Variants in NINL observed in about 807,000 individuals in gnomAD.
NINL encodes ninein-like protein.
NINL carries 153 observed loss-of-function variants against 160.3 expected under a neutral mutation model. That is an observed-to-expected ratio of 0.95 (90% CI 0.84 to 1.09). The LOEUF (loss-of-function observed/expected upper bound fraction) is 1.09. Among genes scored for constraint, NINL ranks in the 50% least tolerant of loss-of-function variants. NINL has a pLI of 0.00. For missense variants in NINL, 1,829 were observed against 1,764.0 expected (o/e 1.04, Z -0.66); for synonymous variants, 800 against 734.8 (o/e 1.09, Z -1.43).
chr20:25,561,730 G>A (rs1347624707), intron 1 of NINL, among the ~76,000 whole-genome samples: 12 of 147,536 alleles, frequency 8.1e-5, no homozygotes, highest in Admixed American at 2.7e-4. Context: ...CCGCGACCCC[G>A]TCTGGGAGGT....
At chr20:25,557,299 G>A (rs1421041427) in intron 1 of NINL, among the ~76,000 whole-genome samples, 1 of 152,116 alleles carries the variant, frequency 6.6e-6, no homozygotes, top group Non-Finnish European at 1.5e-5. Flanking sequence ...GGAAGGCCAA[G>A]GAGGGTGAAT....
At position 25,455,737 on chromosome 20, in the gene NINL, G is replaced by A. The variant is rs746524215; in HGVS notation, c.3893C>T (p.Ala1298Val). Reference sequence around the variant, plus strand: ...TTCCATATTCTTCAGAATCATCTCCGCCTCTTCCACCCGCTCTTCTGTGGC... The same window carrying A: ...TTCCATATTCTTCAGAATCATCTCCACCTCTTCCACCCGCTCTTCTGTGGC... ...LKATEERVEE[A>V]EMILKNMEML... Residue 1298 changes from alanine to valine, a missense_variant, in exon 23 of 24, where the codon GCG becomes GTG. By Grantham distance (64) the Ala-to-Val change is moderately conservative. Transcript: ENST00000278886. The A allele has an allele frequency of 4.3e-6, 7 of 1,614,078 alleles. No individual in the cohort carries two copies. Among genetic ancestry groups the A allele is most frequent in the East Asian group, 2.2e-5 (1 of 44,878 alleles).
At chr20:25,549,458 C>G (rs1292691377) in intron 1 of NINL, among the ~76,000 whole-genome samples, 5 of 152,338 alleles carry the variant, frequency 3.3e-5, no homozygotes, top group African/African-American at 7.2e-5. Flanking sequence ...ATCCAGAATC[C>G]AAGCTCGTCC....
intron 10 of NINL, among the ~76,000 whole-genome samples, chr20:25,494,225 C>T (rs2063702062): frequency 6.6e-6 from 1 of 150,410 alleles, no homozygotes; most frequent in Non-Finnish European, 1.5e-5. Context: ...ATGCACCCCA[C>T]AGGCCCCATA....
chr20:25,501,378 G>T (rs188141671), intron 7 of NINL, among the ~76,000 whole-genome samples: 12 of 152,314 alleles, frequency 7.9e-5, no homozygotes, highest in African/African-American at 2.9e-4. Flanking sequence ...GCCTGGCCTC[G>T]CAGAGGCAGG....
intron 1 of NINL, among the ~76,000 whole-genome samples, chr20:25,536,883 G>A (rs1412459350): frequency 6.6e-6 from 1 of 152,178 alleles, no homozygotes; most frequent in Non-Finnish European, 1.5e-5. Context: ...GGGGAGCCTA[G>A]AGAGTATAAG....
intron 1 of NINL, among the ~76,000 whole-genome samples, chr20:25,567,857 G>A (rs766276983): frequency 3.3e-5 from 5 of 151,838 alleles, no homozygotes; most frequent in Non-Finnish European, 7.4e-5. Flanking sequence ...AGAGGACATT[G>A]CAAGAAAAAA....
intron 20 of NINL, 151 bp downstream of exon 20, chr20:25,462,232 C>A: frequency 3.0e-6 from 2 of 667,076 alleles, no homozygotes; most frequent in Non-Finnish European, 4.9e-6. Flanking sequence ...TTTGCCAACA[C>A]AGCACAGTCC....
Position 25,526,393 on chromosome 20 carries a change from A to G in NINL, c.180+15T>C, listed in dbSNP as rs747419214. 1.8e-4 allele frequency: 286 copies of G among 1,598,778 alleles called. No individual in the cohort carries two copies. Among genetic ancestry groups the G allele is most frequent in the Non-Finnish European group, 2.4e-4 (282 of 1,169,064 alleles). On this transcript the variant is annotated intron_variant, in intron 2 of 23. Transcript: ENST00000278886. ...CCCCGTGCTTTCCTTTATGACAATG[A>G]AGTCCAACACTCACCCTGGCGAAAT...
intron 4 of NINL, 96 bp from the exon 5 acceptor site, chr20:25,510,836 G>C: frequency 1.1e-6 from 1 of 930,992 alleles, no homozygotes; most frequent in Non-Finnish European, 1.7e-6. Flanking sequence ...TGGGGAAGTG[G>C]GGGATGGCTG....
chr20:25,554,990 A>C (rs998761858), intron 1 of NINL, among the ~76,000 whole-genome samples: 1 of 151,994 alleles, frequency 6.6e-6, no homozygotes, highest in Non-Finnish European at 1.5e-5. Flanking sequence ...GTGCCCTGGG[A>C]TGATTTTTTT....
At chr20:25,513,523 C>T (rs958210737) in intron 3 of NINL, among the ~76,000 whole-genome samples, 1 of 152,168 alleles carries the variant, frequency 6.6e-6, no homozygotes, top group Admixed American at 6.5e-5. Flanking sequence ...AGACAGCAGG[C>T]ACCATCAAGG....
chr20:25,575,665 T>C (rs551203025), intron 1 of NINL, among the ~76,000 whole-genome samples: 129 of 149,392 alleles, frequency 8.6e-4, no homozygotes, highest in African/African-American at 3.1e-3. Context: ...GCAGGAGAAT[T>C]GTTGGAACCC....
rs576988195 is a variant in NINL at position 25,561,401 on chromosome 20, C to T, written c.-12+24054G>A. Among the ~76,000 whole-genome samples the T allele has an allele frequency of 9.9e-4, 150 of 152,230 alleles. 1 individual carries two copies. The South Asian group carries it at 0.013, about 13-fold the overall frequency. On this transcript the variant is annotated intron_variant, in intron 1 of 23. Transcript: ENST00000278886. ...TCGGCTACAACCTCCACCTCCCAGC[C>T]GTCTGCCTTGGCCCCCCAAAGTGCC...
chr20:25,576,170 TC>T (rs1173548603), intron 1 of NINL, among the ~76,000 whole-genome samples: 3 of 152,296 alleles, frequency 2.0e-5, no homozygotes, highest in Admixed American at 2.0e-4. Context: ...GGTTTTCCTG[TC>T]CCTTTAAACC....
At position 25,456,410 on chromosome 20, in the gene NINL, T is replaced by C. The variant is rs560212228; in HGVS notation, c.3844-624A>G. Among the ~76,000 whole-genome samples the C allele has an allele frequency of 1.9e-4, 29 of 151,230 alleles. No homozygotes were observed. In the East Asian group the frequency reaches 4.7e-3, roughly 25 times the overall value. ...TAAAATACAAAAAATCAGCCGGGCA[T>C]GGTAGCGGGCGCCTGTAGTCCCAGC... On this transcript the variant is annotated intron_variant, in intron 22 of 23. Coordinates refer to ENST00000278886, the MANE Select transcript of NINL (RefSeq NM_025176.6).
chr20:25,503,719 A>C (rs928035148), intron 7 of NINL, among the ~76,000 whole-genome samples: 4 of 151,976 alleles, frequency 2.6e-5, no homozygotes, highest in African/African-American at 9.7e-5. Context: ...GGAGAAGGTA[A>C]CTCCCCTAGT....
chr20:25,510,193 C>T (rs548114124), intron 5 of NINL, among the ~76,000 whole-genome samples: 8 of 152,350 alleles, frequency 5.3e-5, no homozygotes, highest in African/African-American at 1.9e-4. Flanking sequence ...AGCTCCAGGA[C>T]CAGGTATTAC....
In NINL at chr20:25,498,190, A is replaced by G. The variant is rs764276772; in HGVS notation, c.1169+20T>C. 1.2e-5 allele frequency: 19 copies of G among 1,611,420 alleles called. No individual in the cohort carries two copies. The highest frequency in any genetic ancestry group is 1.4e-5 in the Non-Finnish European group (17 of 1,179,762). ...GGCCAGCCACACTGCCACGTTCCCCAGTCCCCTGTGGCCTCTTACTGCTGG... is the reference window on the plus strand; with the variant it reads ...GGCCAGCCACACTGCCACGTTCCCCGGTCCCCTGTGGCCTCTTACTGCTGG... On this transcript the variant is annotated intron_variant, in intron 9 of 23. Transcript: ENST00000278886.
Sources: gnomAD v4.1 joint callset for allele counts (sites outside exome capture counted in the v4.1 genomes callset) on GRCh38, gnomAD v4.1.1 for gene constraint, MANE v1.5 for transcripts, NCBI Gene and HGNC (gene_info 2026-07-23, HGNC 2026-07-21) for gene names.